DAB1: variants seen among roughly 807,000 people sequenced by gnomAD.
DAB1 encodes DAB adaptor protein 1.
Under a neutral mutation model 64.6 loss-of-function variants are expected in DAB1, and 15 were observed. The observed-to-expected ratio is 0.23, with a 90% CI of 0.16 to 0.36. The LOEUF (loss-of-function observed/expected upper bound fraction) is 0.36. DAB1 is among the 10% of genes least tolerant of loss of function. The probability of loss-of-function intolerance (pLI) is 1.00; values close to 1 mark genes in which losing one functional copy is unlikely to be tolerated. For missense variants in DAB1, 596 were observed against 706.7 expected (o/e 0.84, Z 1.78); for synonymous variants, 235 against 251.9 (o/e 0.93, Z 0.64).
At chr1:57,403,791 A>G (rs269049) in intron 1 of DAB1, among the ~76,000 whole-genome samples, 62,459 of 152,016 alleles carry the variant, frequency 0.41, 13,408 homozygotes, top group African/African-American at 0.47. Flanking sequence ...TATAATAGCC[A>G]TTACCTACAC....
At chr1:58,407,503 T>C (rs1024133069) in intron 3 of DAB1, among the ~76,000 whole-genome samples, 1 of 152,124 alleles carries the variant, frequency 6.6e-6, no homozygotes. Flanking sequence ...ATGCTGAAAA[T>C]ATTTTCGGGT....
At chr1:58,393,182 C>T (rs1335260705) in intron 3 of DAB1, among the ~76,000 whole-genome samples, 1 of 143,588 alleles carries the variant, frequency 7.0e-6, no homozygotes, top group Non-Finnish European at 1.5e-5. Flanking sequence ...AGGCTGGCCT[C>T]AAACTCTGGG....
chr1:57,869,075 G>A (rs1654425565), intron 1 of DAB1, among the ~76,000 whole-genome samples: 1 of 151,982 alleles, frequency 6.6e-6, no homozygotes, highest in South Asian at 2.1e-4. Context: ...AACTCTTTAT[G>A]GGCAAGGTAA....
chr1:57,591,783 C>T (rs928446493), intron 7 of DAB1, among the ~76,000 whole-genome samples: 19 of 152,186 alleles, frequency 1.2e-4, no homozygotes, highest in African/African-American at 4.3e-4. Context: ...GCACATCTGC[C>T]TCAGACAGGT....
At chr1:57,490,125 T>C (rs1222304727) in intron 7 of DAB1, among the ~76,000 whole-genome samples, 1 of 152,214 alleles carries the variant, frequency 6.6e-6, no homozygotes, top group Admixed American at 6.5e-5. Flanking sequence ...TGTTTTGATC[T>C]TGAACTTCTC....
At chr1:58,105,454 G>A (rs1027253508) in intron 5 of DAB1, among the ~76,000 whole-genome samples, 6 of 152,128 alleles carry the variant, frequency 3.9e-5, no homozygotes, top group East Asian at 1.9e-4. Context: ...GCTGACGAGA[G>A]ACGCCAGCAA....
intron 6 of DAB1, among the ~76,000 whole-genome samples, chr1:57,728,618 A>C (rs1570773677): frequency 1.3e-5 from 2 of 151,856 alleles, no homozygotes; most frequent in South Asian, 2.1e-4. Context: ...ACAAAAAAAA[A>C]CCACCCCCTG....
intron 7 of DAB1, among the ~76,000 whole-genome samples, chr1:57,579,979 G>C (rs1217568308): frequency 1.3e-5 from 2 of 152,126 alleles, no homozygotes; most frequent in Non-Finnish European, 2.9e-5. Context: ...GGGGGACTAT[G>C]GCAAGAGACT....
intron 5 of DAB1, among the ~76,000 whole-genome samples, chr1:58,096,349 A>T (rs964780537): frequency 7.9e-5 from 12 of 152,324 alleles, no homozygotes; most frequent in Admixed American, 2.0e-4. Context: ...GATTATAATA[A>T]CTGTAAAGTA....
chr1:57,462,885 G>A (rs1038252098), intron 7 of DAB1, among the ~76,000 whole-genome samples: 1 of 152,154 alleles, frequency 6.6e-6, no homozygotes, highest in Non-Finnish European at 1.5e-5. Context: ...TTCAGAGGAG[G>A]CTGTAGTCAG....
chr1:57,392,830 C>T (rs571851362), intron 1 of DAB1, among the ~76,000 whole-genome samples: 3 of 152,230 alleles, frequency 2.0e-5, no homozygotes, highest in South Asian at 4.1e-4. Context: ...GAGATGGGGA[C>T]AGTAGAATGT....
chr1:57,739,142 C>T (rs1647841329), intron 6 of DAB1, among the ~76,000 whole-genome samples: 1 of 152,112 alleles, frequency 6.6e-6, no homozygotes, highest in Non-Finnish European at 1.5e-5. Context: ...GGATAATAAA[C>T]ACACAATGAC....
chr1:57,571,013 G>A (rs902190328), intron 7 of DAB1, among the ~76,000 whole-genome samples: 3 of 152,158 alleles, frequency 2.0e-5, no homozygotes, highest in African/African-American at 4.8e-5. Flanking sequence ...CTGGGTCACC[G>A]TTGGTGTATA....
At chr1:58,339,333 G>A (rs1254341010) in intron 4 of DAB1, among the ~76,000 whole-genome samples, 1 of 152,024 alleles carries the variant, frequency 6.6e-6, no homozygotes, top group Non-Finnish European at 1.5e-5. Context: ...TCTAGATCCT[G>A]GAAATACAGC....
At chr1:58,139,263 A>G (rs756430287) in intron 5 of DAB1, among the ~76,000 whole-genome samples, 3 of 152,154 alleles carry the variant, frequency 2.0e-5, no homozygotes, top group Non-Finnish European at 4.4e-5. Flanking sequence ...AAAATACATT[A>G]TTGGTTCTGC....
At chr1:57,331,021 C>T (rs1486725955) in intron 1 of DAB1, among the ~76,000 whole-genome samples, 1 of 152,098 alleles carries the variant, frequency 6.6e-6, no homozygotes, top group African/African-American at 2.4e-5. Flanking sequence ...CAGTTCATAC[C>T]AAAGTACCTT....
chr1:57,140,357 A>C (rs1658484071), intron 3 of DAB1, among the ~76,000 whole-genome samples: 1 of 152,120 alleles, frequency 6.6e-6, no homozygotes, highest in Admixed American at 6.5e-5. Flanking sequence ...AGGAAACATA[A>C]GGCCAGGGGA....
intron 2 of DAB1, among the ~76,000 whole-genome samples, chr1:58,515,187 A>G (rs2100437005): frequency 6.6e-6 from 1 of 152,310 alleles, no homozygotes. Context: ...TTTTCCAGGA[A>G]ATAATTTAAA....
At chr1:58,452,125 G>A (rs1645144209) in intron 3 of DAB1, among the ~76,000 whole-genome samples, 1 of 151,604 alleles carries the variant, frequency 6.6e-6, no homozygotes. Flanking sequence ...TTGAGAGGGG[G>A]GTTTCGCCAC....
Sources: allele counts gnomAD v4.1 joint callset (sites outside exome capture counted in the v4.1 genomes callset), GRCh38; gene constraint gnomAD v4.1.1; transcripts MANE v1.5; gene names NCBI Gene and HGNC (gene_info 2026-07-23, HGNC 2026-07-21).